The following FER1L5 variants were observed in gnomAD, a reference collection of about 807,000 sequenced individuals.
The protein encoded by FER1L5 is fer-1-like protein 5.
In FER1L5, 187 loss-of-function variants were observed where a neutral mutation model predicts 279.9. The observed-to-expected ratio is 0.67, with a 90% CI of 0.59 to 0.75. FER1L5 has a LOEUF of 0.75. FER1L5 is among the 30% of genes least tolerant of loss of function. The pLI is 0.00. For synonymous variants in FER1L5, 921 were observed against 989.7 expected (o/e 0.93, Z 1.30); for missense variants, 2,091 against 2,594.4 (o/e 0.81, Z 4.21).
chr2:96,692,647 T>G (rs2077197637), intron 31 of FER1L5, among the ~76,000 whole-genome samples: 1 of 152,186 alleles, frequency 6.6e-6, no homozygotes, highest in African/African-American at 2.4e-5. Context: ...CACTCGTGTT[T>G]GGACAGAGGC....
intron 9 of FER1L5, among the ~76,000 whole-genome samples, chr2:96,655,982 G>C (rs1279232791): frequency 6.6e-6 from 1 of 152,094 alleles, no homozygotes; most frequent in Non-Finnish European, 1.5e-5. Flanking sequence ...AAAGTGCTGG[G>C]ATTACAGGCG....
At chr2:96,660,473 G>A in intron 10 of FER1L5, 102 bp downstream of exon 10, 1 of 952,318 alleles carries the variant, frequency 1.1e-6, no homozygotes, top group Non-Finnish European at 1.6e-6. Flanking sequence ...GGGTGGAGGG[G>A]AGTATTAGAG....
intron 19 of FER1L5, among the ~76,000 whole-genome samples, chr2:96,681,974 C>T (rs528100162): frequency 1.3e-5 from 2 of 151,678 alleles, no homozygotes; most frequent in Admixed American, 6.6e-5. Flanking sequence ...GTAATAGAGA[C>T]GGGGTTTCAC....
chr2:96,687,174 G>A (rs1255275236), intron 23 of FER1L5, among the ~76,000 whole-genome samples: 3 of 152,152 alleles, frequency 2.0e-5, no homozygotes, highest in Admixed American at 1.3e-4. Flanking sequence ...CCTGGAGAAG[G>A]TGCCGCCTTG....
At position 96,702,882 on chromosome 2, in the gene FER1L5, T is replaced by A; in HGVS notation, c.5398-96T>A. The A allele has an allele frequency of 2.0e-6, 3 of 1,530,892 alleles. No individual in the cohort carries two copies. 94.8% of individuals were successfully genotyped at this position (1,530,892 alleles called of 1,614,324 possible). A position where few individuals can be genotyped will look rare whatever the true frequency, so the allele number is the denominator to read the frequency against. On this transcript the variant is annotated intron_variant, in intron 48 of 52. Coordinates refer to ENST00000624922, the MANE Select transcript of FER1L5 (RefSeq NM_001293083.2). This position sits in a 1 kb window ranked among gnomAD's most constrained non-coding sequence, Gnocchi z 4.0. The stretch of plus-strand genomic sequence containing the variant: ...GTCCTCAGGTGGAAACCCTCTTCCT[T>A]GATAGTCTATCACTGCTGGGTGGAG...
chr2:96,668,732 T>C lies in FER1L5; in HGVS notation c.1141-19T>C, dbSNP rs761690766. On this transcript the variant is annotated intron_variant, in intron 14 of 52. Coordinates refer to ENST00000624922, the MANE Select transcript of FER1L5 (RefSeq NM_001293083.2). ...CATCCCAATGTGTACCCACCGCACC[T>C]CTCTCCTTCCCTCCACAGCTACCCT... 24 of 1,551,172 alleles carry C rather than the reference T, an allele frequency of 1.5e-5. No homozygotes were observed. The highest frequency in any genetic ancestry group is 2.1e-5 in the Non-Finnish European group (24 of 1,146,866).
chr2:96,652,338 C>A, intron 7 of FER1L5: 1 of 324,232 alleles, frequency 3.1e-6, no homozygotes, highest in Non-Finnish European at 5.9e-6. Context: ...ATGTATGTCT[C>A]ATTGCTGCTG....
rs751337134 is a variant in FER1L5 at position 96,651,845 on chromosome 2, GCTACAGAAGGCC to G, written c.505-44_505-33del. ...TTCTTATCAGAACAATGTTGTCCCAGCTACAGAAGGCCCTCAATATCAGCTCCCCATGTGTTC... is the reference window on the plus strand; with the variant it reads ...TTCTTATCAGAACAATGTTGTCCCAGCTCAATATCAGCTCCCCATGTGTTC... On this transcript the variant is annotated intron_variant, in intron 6 of 52. Coordinates refer to ENST00000624922, the MANE Select transcript of FER1L5 (RefSeq NM_001293083.2). The G allele has an allele frequency of 1.4e-5, 22 of 1,551,120 alleles. No homozygotes were observed. In the African/African-American group the frequency reaches 2.6e-4, roughly 18 times the overall value.
At position 96,698,648 on chromosome 2, in the gene FER1L5, C is replaced by A; in HGVS notation, c.4357-23C>A. On this transcript the variant is annotated intron_variant, in intron 40 of 52. Transcript: ENST00000624922. This position sits in a 1 kb window ranked among gnomAD's most constrained non-coding sequence, Gnocchi z 5.5. ...GCTGGCCAGCACTGCCAGGCTGGGCCCCCAACACCCTCCCCCCGCCAGGGC... is the reference window on the plus strand; with the variant it reads ...GCTGGCCAGCACTGCCAGGCTGGGCACCCAACACCCTCCCCCCGCCAGGGC... The A allele has an allele frequency of 1.9e-6, 3 of 1,567,312 alleles. No individual in the cohort carries two copies. The highest frequency in any genetic ancestry group is 4.7e-5 in the East Asian group (2 of 42,144).
chr2:96,646,847 A>C (rs1360668610), intron 2 of FER1L5, among the ~76,000 whole-genome samples: 1 of 152,162 alleles, frequency 6.6e-6, no homozygotes, highest in African/African-American at 2.4e-5. Flanking sequence ...CCAACAGGCC[A>C]ATGATACTGC....
intron 19 of FER1L5, among the ~76,000 whole-genome samples, chr2:96,675,422 A>AATTAAAAAATTTT (rs2076476271): frequency 1.3e-5 from 2 of 152,094 alleles, no homozygotes; most frequent in Non-Finnish European, 2.9e-5. Context: ...TTTTAAAAAA[A>AATTAAAAAATTTT]TAATTAATTA....
In FER1L5 at chr2:96,653,639, G is replaced by A; in HGVS notation, c.634-1G>A. The A allele has an allele frequency of 1.9e-6, 3 of 1,551,256 alleles. No individual in the cohort carries two copies. Among genetic ancestry groups the A allele is most frequent in the Non-Finnish European group, 2.6e-6 (3 of 1,146,624 alleles). ...CTCTACCCCAATTCTCTTTGCCTCA[G>A]ATCTTCTTCCAGAATTTTCATGAGG... is the stretch of plus-strand genomic sequence containing the variant. On this transcript the variant is annotated splice_acceptor_variant, in intron 7 of 52. Coordinates refer to ENST00000624922, the MANE Select transcript of FER1L5 (RefSeq NM_001293083.2). LOFTEE classifies it high-confidence loss of function.
chr2:96,660,464 G>T lies in FER1L5; in HGVS notation c.778+93G>T. The T allele has an allele frequency of 2.7e-6, 3 of 1,091,784 alleles. 1 individual carries two copies. The highest frequency in any genetic ancestry group is 1.4e-5 in the South Asian group (1 of 73,930). The allele number at this position is 1,091,784 out of a possible 1,614,324, so 67.6% of individuals were successfully genotyped here. On this transcript the variant is annotated intron_variant, in intron 10 of 52. Coordinates refer to ENST00000624922, the MANE Select transcript of FER1L5 (RefSeq NM_001293083.2). ...AAAATCCCCATATGTCCAACACATGGGTGGAGGGGAGTATTAGAGATTGTA... is the reference window on the plus strand; with the variant it reads ...AAAATCCCCATATGTCCAACACATGTGTGGAGGGGAGTATTAGAGATTGTA...
At chr2:96,687,707 G>A (rs941177688) in intron 23 of FER1L5, 109 bp from the exon 24 acceptor site, 41 of 1,475,128 alleles carry the variant, frequency 2.8e-5, no homozygotes, top group African/African-American at 8.6e-5. Context: ...TGAGGGCCCC[G>A]CTCCCAGGGC....
In FER1L5 at chr2:96,698,189, C is replaced by T; in HGVS notation, c.4356+33C>T. 1 of 1,545,036 alleles carries T rather than the reference C, an allele frequency of 6.5e-7. No individual in the cohort carries two copies. Among genetic ancestry groups the T allele is most frequent in the Non-Finnish European group, 8.7e-7 (1 of 1,143,276 alleles). ...TCCACCCCAGCTTAGCTGCCCCTGT[C>T]TCCTTGTGCACCTTCTGTCCCTGGA... On this transcript the variant is annotated intron_variant, in intron 40 of 52. Transcript: ENST00000624922. This position sits in a 1 kb window ranked among gnomAD's most constrained non-coding sequence, Gnocchi z 5.5.
At chr2:96,695,696 C>T (rs907302351) in intron 35 of FER1L5, 35 bp downstream of exon 35, 3 of 1,607,508 alleles carry the variant, frequency 1.9e-6, no homozygotes, top group Non-Finnish European at 2.5e-6. Flanking sequence ...GGGCAGCCCT[C>T]TTCTTCTGTG....
intron 9 of FER1L5, 92 bp from the exon 10 acceptor site, chr2:96,660,249 C>A: frequency 1.5e-6 from 2 of 1,315,384 alleles, no homozygotes; most frequent in African/African-American, 1.5e-5. Context: ...CATACTGAAG[C>A]CCCAACAGCT....
chr2:96,699,846 G>T lies in FER1L5; in HGVS notation c.4782-86G>T, dbSNP rs976431893. On this transcript the variant is annotated intron_variant, in intron 43 of 52. Transcript: ENST00000624922. The stretch of plus-strand genomic sequence containing the variant: ...CCAGACCTGCCCAGTCTCCACCCAA[G>T]CTTCCACCCGTGGTCAACCTGCAGC... The T allele has an allele frequency of 2.5e-6, 4 of 1,580,844 alleles. No homozygotes were observed. The African/African-American group carries it at 5.4e-5, about 21-fold the overall frequency.
At chr2:96,685,299 C>T in intron 20 of FER1L5, 30 bp from the exon 21 acceptor site, 1 of 1,544,142 alleles carries the variant, frequency 6.5e-7, no homozygotes, top group African/African-American at 1.4e-5. Context: ...CTGAGGCGGG[C>T]TCTCTCACCA....
Sources: allele counts gnomAD v4.1 joint callset (sites outside exome capture counted in the v4.1 genomes callset), GRCh38; gene constraint gnomAD v4.1.1; non-coding constraint Gnocchi (gnomAD v3.1); transcripts MANE v1.5; gene names NCBI Gene and HGNC (gene_info 2026-07-23, HGNC 2026-07-21).